CTNNA2: variants seen among roughly 807,000 people sequenced by gnomAD.
The protein encoded by CTNNA2 is catenin alpha 2.
Under a neutral mutation model 101.0 loss-of-function variants are expected in CTNNA2, and 42 were observed. The observed-to-expected ratio is 0.42, with a 90% confidence interval of 0.32 to 0.54. CTNNA2 has a LOEUF of 0.54. CTNNA2 is among the 20% of genes least tolerant of loss of function. The pLI is 0.14. For missense variants in CTNNA2, 871 were observed against 1,223.1 expected, an observed-to-expected ratio of 0.71 and a Z score of 4.29; for synonymous variants, 450 against 456.4, an observed-to-expected ratio of 0.99 and a Z score of 0.18.
intron 15 of CTNNA2, among the ~76,000 whole-genome samples, chr2:80,593,208 A>G (rs149818445): frequency 3.9e-5 from 6 of 152,328 alleles, no homozygotes; most frequent in African/African-American, 7.2e-5. Context: ...GTAGGAAAAC[A>G]CAAGGGCTGT....
At chr2:79,953,601 G>A (rs76785815) in intron 7 of CTNNA2, among the ~76,000 whole-genome samples, 3,321 of 152,328 alleles carry the variant, frequency 0.022, 63 homozygotes, top group Middle Eastern at 0.051. Context: ...CTGACACACA[G>A]ACAGGCGATT....
intron 7 of CTNNA2, among the ~76,000 whole-genome samples, chr2:80,091,716 T>A (rs1699803612): frequency 6.6e-6 from 1 of 152,034 alleles, no homozygotes. Context: ...TGTGAGGTGA[T>A]GGGATACCAG....
intron 7 of CTNNA2, among the ~76,000 whole-genome samples, chr2:80,248,500 G>A (rs563015136): frequency 2.6e-5 from 4 of 152,072 alleles, no homozygotes; most frequent in East Asian, 1.9e-4. Flanking sequence ...CTCCAGATTC[G>A]TTGCATTAAA....
At chr2:80,490,283 C>G (rs1323037519) in intron 9 of CTNNA2, among the ~76,000 whole-genome samples, 2 of 81,062 alleles carry the variant, frequency 2.5e-5, no homozygotes, top group East Asian at 5.2e-4. Flanking sequence ...CCCCCCCACC[C>G]CCCCCCCGGT....
intron 7 of CTNNA2, among the ~76,000 whole-genome samples, chr2:79,946,971 T>A (rs1434101): frequency 0.11 from 16,645 of 152,184 alleles, 1,192 homozygotes; most frequent in East Asian, 0.27. Context: ...AAGGGACTAA[T>A]TTAGGTGAAA....
intron 2 of CTNNA2, among the ~76,000 whole-genome samples, chr2:79,207,699 C>G (rs979627909): frequency 6.6e-6 from 1 of 152,046 alleles, no homozygotes; most frequent in African/African-American, 2.4e-5. Context: ...GCTGGTATGG[C>G]CAGTAAAGAA....
intron 18 of CTNNA2, among the ~76,000 whole-genome samples, chr2:80,640,136 C>T (rs926357896): frequency 2.0e-5 from 3 of 151,952 alleles, no homozygotes; most frequent in Non-Finnish European, 4.4e-5. Context: ...CAGTATCAGA[C>T]AATATTTGAT....
At chr2:80,601,417 C>CTTTTTTTTTGTTTTTTTTTTTTT (rs375645223) in intron 15 of CTNNA2, among the ~76,000 whole-genome samples, 1 of 94,198 alleles carries the variant, frequency 1.1e-5, no homozygotes, top group Non-Finnish European at 2.2e-5. Flanking sequence ...TTCTTTCTTT[C>CTTTTTTTTTGTTTTTTTTTTTTT]TTTCTTTTTT....
chr2:80,552,202 T>G (rs572585712), intron 11 of CTNNA2, among the ~76,000 whole-genome samples: 1 of 152,268 alleles, frequency 6.6e-6, no homozygotes, highest in East Asian at 1.9e-4. Flanking sequence ...TGAAAAAATT[T>G]TGAAATATTG....
chr2:79,218,085 T>G (rs1211429290), intron 2 of CTNNA2, among the ~76,000 whole-genome samples: 1 of 152,224 alleles, frequency 6.6e-6, no homozygotes, highest in Admixed American at 6.5e-5. Context: ...GCTTCCTCCA[T>G]TTTAGAAATA....
At chr2:79,967,565 C>T (rs1422993029) in intron 7 of CTNNA2, among the ~76,000 whole-genome samples, 1 of 152,132 alleles carries the variant, frequency 6.6e-6, no homozygotes, top group Non-Finnish European at 1.5e-5. Context: ...CTGTTTGAGC[C>T]TTCTCGAATA....
chr2:80,645,568 GGTTTTGATTCA>G (rs1459980389), intron 18 of CTNNA2, among the ~76,000 whole-genome samples: 1 of 116,744 alleles, frequency 8.6e-6, no homozygotes, highest in Non-Finnish European at 1.8e-5. Context: ...AAGATTGCAA[GGTTTTGATTCA>G]GTAAGTTTTG....
At chr2:79,439,344 T>G (rs1678753591) in intron 4 of CTNNA2, among the ~76,000 whole-genome samples, 1 of 152,204 alleles carries the variant, frequency 6.6e-6, no homozygotes, top group African/African-American at 2.4e-5. Flanking sequence ...TGATTTCATT[T>G]CTGTGAAATG....
At chr2:80,640,118 A>C (rs991485808) in intron 18 of CTNNA2, among the ~76,000 whole-genome samples, 1 of 151,866 alleles carries the variant, frequency 6.6e-6, no homozygotes, top group Non-Finnish European at 1.5e-5. Context: ...ACAAAAAAAC[A>C]AAAAAGTCAG....
intron 3 of CTNNA2, among the ~76,000 whole-genome samples, chr2:79,854,683 CT>C (rs1466865017): frequency 1.3e-5 from 2 of 152,030 alleles, no homozygotes; most frequent in African/African-American, 4.8e-5. Context: ...AATTTTTCTT[CT>C]TTTCAGCAGG....
At chr2:79,314,177 C>G (rs1039448763) in intron 3 of CTNNA2, among the ~76,000 whole-genome samples, 18 of 152,322 alleles carry the variant, frequency 1.2e-4, no homozygotes, top group African/African-American at 4.1e-4. Flanking sequence ...TCTCCAGACT[C>G]TAACCACCAG....
chr2:79,486,132 G>A (rs1671154490), intron 4 of CTNNA2, among the ~76,000 whole-genome samples: 1 of 152,014 alleles, frequency 6.6e-6, no homozygotes, highest in African/African-American at 2.4e-5. Context: ...GTGCAGGTTT[G>A]TTATATATGT....
At chr2:80,099,720 A>G (rs534748993) in intron 7 of CTNNA2, among the ~76,000 whole-genome samples, 47 of 149,518 alleles carry the variant, frequency 3.1e-4, no homozygotes, top group African/African-American at 1.1e-3. Context: ...TATAGGAACA[A>G]TTGCCAAGTT....
chr2:80,022,378 A>G (rs941154659), intron 7 of CTNNA2, among the ~76,000 whole-genome samples: 1 of 152,208 alleles, frequency 6.6e-6, no homozygotes, highest in Non-Finnish European at 1.5e-5. Flanking sequence ...TTCTAATTCT[A>G]GCAAGTATTG....
Sources: gnomAD v4.1 joint callset for allele counts (sites outside exome capture counted in the v4.1 genomes callset) on GRCh38, gnomAD v4.1.1 for gene constraint, MANE v1.5 for transcripts, NCBI Gene and HGNC (gene_info 2026-07-23, HGNC 2026-07-21) for gene names.